The following ATRX variants were observed in gnomAD, a reference collection of about 807,000 sequenced individuals.
ATRX encodes the protein chromatin remodeler ATRX.
In ATRX, 12 loss-of-function variants were observed where a neutral mutation model predicts 172.6. The ratio of observed to expected loss-of-function variants is 0.07; its 90% CI spans 0.04 to 0.11. The LOEUF is 0.11. Ranked by LOEUF, ATRX falls within the 10% of genes least tolerant of loss-of-function variation. ATRX has a pLI of 1.00. For missense variants in ATRX, 1,368 were observed against 1,767.4 expected, an observed-to-expected ratio of 0.77 and a Z score of 4.05; for synonymous variants, 674 against 594.7, an observed-to-expected ratio of 1.13 and a Z score of -1.94.
rs2066380730 is a variant in ATRX, at chrX:77,594,044, G to C, written c.5957-195C>G. 1.5e-5 allele frequency: 6 copies of C among 402,180 alleles called. No individual in the cohort carries two copies. The East Asian group carries it at 2.4e-4, about 16-fold the overall frequency. The allele number at this position is 402,180 out of a possible 1,213,427, so 33.1% of individuals were successfully genotyped here. A position where few individuals can be genotyped will look rare whatever the true frequency, so the allele number is the denominator to read the frequency against. ...AGGACAGAGACTATCCCAGAAGAGT[G>C]AGCTCTAGATAGAAAAAGAGAAAGG... On this transcript the variant is annotated intron_variant, in intron 25 of 34. Transcript: ENST00000373344.
At chrX:77,785,893 C>A in intron 1 of ATRX, 89 bp downstream of exon 1, 1 of 1,119,721 alleles carries the variant, frequency 8.9e-7, no homozygotes, top group Non-Finnish European at 1.2e-6. Context: ...ACAGGCCTAA[C>A]CCACCAAGCG....
intron 6 of ATRX, among the ~76,000 whole-genome samples, 189 bp downstream of exon 6, chrX:77,693,635 G>C (rs1411031986): frequency 8.9e-6 from 1 of 111,825 alleles, no homozygotes; most frequent in African/African-American, 3.2e-5. Flanking sequence ...TGAAGGCAAA[G>C]GTGTTTCGAT....
At position 77,700,212 on chromosome X, in the gene ATRX, A is replaced by G. The variant is rs2072424752; in HGVS notation, c.134-1583T>C. ...ATGTGAACAGACACCTCACCAAAAA[A>G]GATATACAGACGCAAATAAGCACAT... On this transcript the variant is annotated intron_variant, in intron 2 of 34. Transcript: ENST00000373344. Among the ~76,000 whole-genome samples, 3 of 112,199 alleles carry G rather than the reference A, an allele frequency of 2.7e-5. No individual in the cohort carries two copies. The South Asian group carries it at 1.1e-3, about 41-fold the overall frequency.
chrX:77,740,854 G>A lies in ATRX; in HGVS notation c.21-23611C>T, dbSNP rs189897720. ...AACTAGGCCAGGCACAGTGAATCAC[G>A]CCTATAATCCCAGCCCTTTGGGAGG... On this transcript the variant is annotated intron_variant, in intron 1 of 34. Transcript: ENST00000373344. 4.2e-4 allele frequency among the ~76,000 whole-genome samples: 47 copies of A among 110,815 alleles called. No homozygotes were observed. The East Asian group carries it at 9.1e-3, about 21-fold the overall frequency.
intron 1 of ATRX, among the ~76,000 whole-genome samples, chrX:77,726,171 CAT>C (rs1291165057): frequency 2.7e-5 from 3 of 111,114 alleles, no homozygotes; most frequent in African/African-American, 6.6e-5. Flanking sequence ...GACTCACACA[CAT>C]GTATGTTTAT....
intron 21 of ATRX, 27 bp downstream of exon 21, chrX:77,618,779 T>C: frequency 8.5e-7 from 1 of 1,171,612 alleles, no homozygotes; most frequent in South Asian, 1.8e-5. Flanking sequence ...AGTAAGAATA[T>C]TTTATTACTA....
At chrX:77,671,992 A>G (rs1231914473) in intron 10 of ATRX, among the ~76,000 whole-genome samples, 3 of 111,152 alleles carry the variant, frequency 2.7e-5, no homozygotes, top group African/African-American at 9.8e-5. Context: ...ATCTACAAGT[A>G]GATCCTATCT....
In ATRX at chrX:77,683,749, G is replaced by C. The variant is rs1340830235; in HGVS notation, c.1507C>G (p.Gln503Glu). 8.3e-7 allele frequency: 1 copy of C among 1,210,735 alleles called. No individual in the cohort carries two copies. ...TCAGAAGTGTTGGCAGGTTCATATT[G>C]AGGTTCTTCTTTTCTATCAGATTTC... ...HKKSDRKEEP[Q>E]YEPANTSEDL... The change falls in exon 9 of 35, where the codon CAA becomes GAA. Residue 503 changes from glutamine to glutamate, a missense_variant. Gln to Glu is a conservative substitution (Grantham distance 29). Around this residue, in one of 17 missense-constraint regions of ATRX, gnomAD observed 843 missense variants for 643.1 expected, o/e 1.31. Coordinates refer to ENST00000373344, the MANE Select transcript of ATRX (RefSeq NM_000489.6).
At chrX:77,571,490 CAGTCTTAATATGATAAAATAAT>C (rs1224085543) in intron 28 of ATRX, among the ~76,000 whole-genome samples, 1 of 111,566 alleles carries the variant, frequency 9.0e-6, no homozygotes, top group African/African-American at 3.3e-5. Flanking sequence ...ATTTATATGA[CAGTCTTAATATGATAAAATAAT>C]AGAGATGGAG....
intron 34 of ATRX, among the ~76,000 whole-genome samples, chrX:77,519,163 G>C (rs1248968575): frequency 9.0e-6 from 1 of 111,324 alleles, no homozygotes; most frequent in African/African-American, 3.3e-5. Flanking sequence ...ATACCACTAA[G>C]TTAAAAAGCT....
At chrX:77,573,015 A>G (rs992323867) in intron 28 of ATRX, among the ~76,000 whole-genome samples, 8 of 111,902 alleles carry the variant, frequency 7.1e-5, no homozygotes, top group African/African-American at 1.9e-4. Flanking sequence ...CTACTAAACT[A>G]ACCCCATCTC....
chrX:77,744,605 A>C (rs1362216541), intron 1 of ATRX, among the ~76,000 whole-genome samples: 1 of 111,512 alleles, frequency 9.0e-6, no homozygotes, highest in African/African-American at 3.3e-5. Context: ...AGGGTCACTG[A>C]GATGCAAGAA....
chrX:77,729,635 G>A (rs2074212718), intron 1 of ATRX, among the ~76,000 whole-genome samples: 1 of 112,051 alleles, frequency 8.9e-6, no homozygotes, highest in Admixed American at 9.5e-5. Flanking sequence ...AAATCATCAT[G>A]TTTAAAGTAC....
intron 1 of ATRX, among the ~76,000 whole-genome samples, chrX:77,717,561 G>A (rs1425148586): frequency 2.0e-5 from 2 of 101,271 alleles, no homozygotes; most frequent in African/African-American, 7.4e-5. Flanking sequence ...CCAAGATCAT[G>A]CCACTGCACT....
intron 28 of ATRX, among the ~76,000 whole-genome samples, chrX:77,561,182 T>TG (rs1384897958): frequency 4.5e-5 from 5 of 110,702 alleles, no homozygotes; most frequent in African/African-American, 1.6e-4. Context: ...CTTGAAGGTA[T>TG]ATGGGTAAAT....
chrX:77,609,893 AAT>A (rs1180926629), intron 22 of ATRX, among the ~76,000 whole-genome samples: 5 of 112,256 alleles, frequency 4.5e-5, no homozygotes, highest in African/African-American at 1.6e-4. Context: ...TAGGTACAAA[AAT>A]ATAGTTAGGT....
rs782327571 is a variant in ATRX, at chrX:77,574,240, T to G, written c.6326+10A>C. ...TTAATGTTTCTACATATACAGAAAATTTTTCCTACCTCACATTAGTTTCAT... is the reference window on the plus strand; with the variant it reads ...TTAATGTTTCTACATATACAGAAAAGTTTTCCTACCTCACATTAGTTTCAT... On this transcript the variant is annotated intron_variant, in intron 28 of 34. Transcript: ENST00000373344. 1 of 1,133,553 alleles carries G rather than the reference T, an allele frequency of 8.8e-7. No individual in the cohort carries two copies. The highest frequency in any genetic ancestry group is 1.2e-6 in the Non-Finnish European group (1 of 826,761). 93.4% of individuals were successfully genotyped at this position (1,133,553 alleles called of 1,213,427 possible). A position where few individuals can be genotyped will look rare whatever the true frequency, so the allele number is the denominator to read the frequency against.
rs34675782 is a variant in ATRX, at chrX:77,538,230, A to AACACACACAC, written c.6700-14839_6700-14830dup. The stretch of plus-strand genomic sequence containing the variant: ...AAGGAAATGTGTGTATACACACACA[A>AACACACACAC]ACACACACACACACACACACACACA... On this transcript the variant is annotated intron_variant, in intron 30 of 34. Transcript: ENST00000373344. Among the ~76,000 whole-genome samples, 445 of 95,988 alleles carry AACACACACAC rather than the reference A, an allele frequency of 4.6e-3. 9 individuals carry two copies. Among genetic ancestry groups the AACACACACAC allele is most frequent in the East Asian group, 0.023 (68 of 3,015 alleles). 83.4% of individuals were successfully genotyped at this position (95,988 alleles called of 115,157 possible).
Position 77,786,195 on chromosome X carries a change from G to A in ATRX, c.-194C>T, listed in dbSNP as rs949694740. On this transcript the variant is annotated 5_prime_UTR_variant, in exon 1 of 35. Transcript: ENST00000373344. Reference sequence around the variant, plus strand: ...GCGGAAACAAAGCGACACCGCTGCCGCCGCCATTTTGTTGGGCCGAGGCTC... The same window carrying A: ...GCGGAAACAAAGCGACACCGCTGCCACCGCCATTTTGTTGGGCCGAGGCTC... The A allele has an allele frequency of 3.9e-5, 18 of 456,353 alleles. No homozygotes were observed. The highest frequency in any genetic ancestry group is 2.8e-4 in the Admixed American group (7 of 24,972). The allele number at this position is 456,353 out of a possible 1,213,427, so 37.6% of individuals were successfully genotyped here.
Sources: gnomAD v4.1 joint callset for allele counts (sites outside exome capture counted in the v4.1 genomes callset) on GRCh38, gnomAD v4.1.1 for gene constraint, gnomAD v4.1.1 regional missense constraint, MANE v1.5 for transcripts, NCBI Gene and HGNC (gene_info 2026-07-23, HGNC 2026-07-21) for gene names.